SLC9C2: variants seen among roughly 807,000 people sequenced by gnomAD.
SLC9C2 encodes sodium/hydrogen exchanger 11.
SLC9C2 carries 75 observed loss-of-function variants against 140.2 expected under a neutral mutation model. The ratio of observed to expected loss-of-function variants is 0.53; its 90% CI spans 0.44 to 0.65. The LOEUF (loss-of-function observed/expected upper bound fraction) is 0.65, where lower values mean the gene tolerates loss of function less well. Ranked by LOEUF, SLC9C2 falls within the 30% of genes least tolerant of loss-of-function variation. The pLI, the probability that SLC9C2 is intolerant of heterozygous loss-of-function variation, is 0.00. For synonymous variants in SLC9C2, 375 were observed against 420.9 expected, an observed-to-expected ratio of 0.89 and a Z score of 1.34; for missense variants, 1,074 against 1,331.8, an observed-to-expected ratio of 0.81 and a Z score of 3.01.
chr1:173,547,656 G>A (rs1662948938), intron 13 of SLC9C2, 33 bp downstream of exon 13: 7 of 1,549,280 alleles, frequency 4.5e-6, no homozygotes, highest in Non-Finnish European at 6.2e-6. Context: ...TGCAAGAAAG[G>A]AAATTTTAAA....
chr1:173,583,486 C>T lies in SLC9C2; in HGVS notation c.640+20G>A. 7.5e-7 allele frequency: 1 copy of T among 1,325,890 alleles called. No individual in the cohort carries two copies. The highest frequency in any genetic ancestry group is 1.1e-6 in the Non-Finnish European group (1 of 935,598). 82.1% of individuals were successfully genotyped at this position (1,325,890 alleles called of 1,614,324 possible). A position where few individuals can be genotyped will look rare whatever the true frequency, so the allele number is the denominator to read the frequency against. ...AATGAGAATGATTTTAGAAAATATA[C>T]AGACAAAAAATGCTCCTACCTCTAA... On this transcript the variant is annotated intron_variant, in intron 6 of 27. Coordinates refer to ENST00000367714, the MANE Select transcript of SLC9C2 (RefSeq NM_178527.4).
At chr1:173,506,319 A>G (rs1051946841) in intron 25 of SLC9C2, among the ~76,000 whole-genome samples, 16 of 152,194 alleles carry the variant, frequency 1.1e-4, no homozygotes, top group African/African-American at 3.9e-4. Flanking sequence ...AGCTTGGGCC[A>G]TTAGGGACTT....
At chr1:173,515,123 A>C (rs1228171536) in intron 23 of SLC9C2, among the ~76,000 whole-genome samples, 1 of 151,970 alleles carries the variant, frequency 6.6e-6, no homozygotes, top group Non-Finnish European at 1.5e-5. Flanking sequence ...TCTGATGATT[A>C]TGTGTCTTGG....
chr1:173,552,474 A>T (rs1419364744), intron 11 of SLC9C2, among the ~76,000 whole-genome samples: 2 of 152,234 alleles, frequency 1.3e-5, no homozygotes, highest in Non-Finnish European at 2.9e-5. Context: ...CAAAGGACAG[A>T]CTAACTCTTG....
At chr1:173,507,909 A>C (rs1659770763) in intron 24 of SLC9C2, among the ~76,000 whole-genome samples, 1 of 152,152 alleles carries the variant, frequency 6.6e-6, no homozygotes, top group Non-Finnish European at 1.5e-5. Flanking sequence ...ACTTTGTTAC[A>C]GCCGTGCTTG....
chr1:173,561,543 T>G (rs558131853), intron 9 of SLC9C2, among the ~76,000 whole-genome samples: 1 of 152,186 alleles, frequency 6.6e-6, no homozygotes, highest in Admixed American at 6.5e-5. Flanking sequence ...CTCTTCACAC[T>G]GGGGGGAAGC....
chr1:173,595,482 A>G (rs1210150564), intron 4 of SLC9C2, among the ~76,000 whole-genome samples: 1 of 152,190 alleles, frequency 6.6e-6, no homozygotes, highest in Non-Finnish European at 1.5e-5. Flanking sequence ...TTCTTAGGGT[A>G]CCAAAGTTGT....
At chr1:173,537,238 G>A (rs540136899) in intron 13 of SLC9C2, among the ~76,000 whole-genome samples, 199 bp from the exon 14 acceptor site, 21 of 152,200 alleles carry the variant, frequency 1.4e-4, no homozygotes, top group Non-Finnish European at 2.9e-4. Context: ...GTATAGTCCT[G>A]AATGTTATGA....
intron 6 of SLC9C2, among the ~76,000 whole-genome samples, 158 bp from the exon 7 acceptor site, chr1:173,582,166 T>C (rs1558088490): frequency 6.6e-6 from 1 of 152,096 alleles, no homozygotes; most frequent in Non-Finnish European, 1.5e-5. Flanking sequence ...GAAAGTCTGG[T>C]AAAAAAACCT....
intron 4 of SLC9C2, among the ~76,000 whole-genome samples, chr1:173,590,637 T>C (rs968157602): frequency 9.2e-5 from 14 of 152,200 alleles, no homozygotes; most frequent in Non-Finnish European, 1.3e-4. Context: ...TCTTGCACTT[T>C]GGAGCTATTA....
chr1:173,518,178 A>T (rs2101933141), intron 22 of SLC9C2, among the ~76,000 whole-genome samples: 1 of 151,686 alleles, frequency 6.6e-6, no homozygotes, highest in East Asian at 2.0e-4. Context: ...CAGGAGGATC[A>T]TTTGAACCCA....
chr1:173,538,801 T>C (rs1315737304), intron 13 of SLC9C2, among the ~76,000 whole-genome samples: 1 of 152,058 alleles, frequency 6.6e-6, no homozygotes, highest in Non-Finnish European at 1.5e-5. Context: ...AAAAAACAAG[T>C]TGTGGGGCAG....
intron 14 of SLC9C2, 119 bp from the exon 15 acceptor site, chr1:173,536,068 AGTCT>A: frequency 1.2e-6 from 1 of 848,998 alleles, no homozygotes; most frequent in Non-Finnish European, 1.7e-6. Flanking sequence ...AAATAAGCTC[AGTCT>A]CATGCCTCTG....
At chr1:173,563,274 C>A (rs895252169) in intron 9 of SLC9C2, among the ~76,000 whole-genome samples, 2 of 152,012 alleles carry the variant, frequency 1.3e-5, no homozygotes, top group Admixed American at 1.3e-4. Flanking sequence ...GGGCTGAATG[C>A]ATGGTTTTTA....
chr1:173,534,809 C>A, intron 15 of SLC9C2, 127 bp from the exon 16 acceptor site: 1 of 728,036 alleles, frequency 1.4e-6, no homozygotes, highest in Non-Finnish European at 1.9e-6. Flanking sequence ...TAATAGTAAG[C>A]AAAAATCAAA....
At chr1:173,577,641 C>T (rs115742088) in intron 7 of SLC9C2, among the ~76,000 whole-genome samples, 5 of 151,876 alleles carry the variant, frequency 3.3e-5, no homozygotes, top group Non-Finnish European at 5.9e-5. Context: ...TTAGTGGCCC[C>T]GTAACTATAA....
At chr1:173,504,449 G>A (rs548530673) in intron 26 of SLC9C2, among the ~76,000 whole-genome samples, 10 of 152,184 alleles carry the variant, frequency 6.6e-5, no homozygotes, top group African/African-American at 1.9e-4. Context: ...GTCACTCTTC[G>A]CACACAATTT....
At chr1:173,540,279 G>A (rs904333868) in intron 13 of SLC9C2, among the ~76,000 whole-genome samples, 28 of 152,186 alleles carry the variant, frequency 1.8e-4, no homozygotes, top group Non-Finnish European at 3.4e-4. Context: ...AATGACCACA[G>A]GCATAAGAGT....
In SLC9C2 at chr1:173,548,380, TCA is replaced by T; in HGVS notation, c.1461+7_1461+8del. 1 of 1,608,452 alleles carries T rather than the reference TCA, an allele frequency of 6.2e-7. No individual in the cohort carries two copies. Among genetic ancestry groups the T allele is most frequent in the African/African-American group, 1.3e-5 (1 of 74,608 alleles). ...AAGGAAAACTACTTTTTGCCAGGTATCAACTCACAGGAATGTATTCGATCCTC... is the reference window on the plus strand; with the variant it reads ...AAGGAAAACTACTTTTTGCCAGGTATACTCACAGGAATGTATTCGATCCTC... On this transcript the variant is annotated splice_region_variant and intron_variant, in intron 12 of 27. Coordinates refer to ENST00000367714, the MANE Select transcript of SLC9C2 (RefSeq NM_178527.4).
Sources: allele counts gnomAD v4.1 joint callset (sites outside exome capture counted in the v4.1 genomes callset), GRCh38; gene constraint gnomAD v4.1.1; transcripts MANE v1.5; gene names NCBI Gene and HGNC (gene_info 2026-07-23, HGNC 2026-07-21).